GRAMD1C: variants seen among roughly 807,000 people sequenced by gnomAD.
GRAMD1C encodes the protein protein Aster-C.
A neutral mutation model predicts 97.8 loss-of-function variants in GRAMD1C; 89 were observed. The ratio of observed to expected loss-of-function variants is 0.91; its 90% CI spans 0.77 to 1.09. The LOEUF is 1.09. Ranked by LOEUF, GRAMD1C falls within the 50% of genes least tolerant of loss-of-function variation. GRAMD1C has a pLI of 0.00. For synonymous variants in GRAMD1C, 256 were observed against 267.0 expected (o/e 0.96, Z 0.40); for missense variants, 740 against 766.4 (o/e 0.97, Z 0.41).
rs529678359 is a variant in GRAMD1C at position 113,858,823 on chromosome 3, T to A, written c.175-10684T>A. Among the ~76,000 whole-genome samples the A allele has an allele frequency of 3.9e-5, 6 of 152,164 alleles. No individual in the cohort carries two copies. The South Asian group carries it at 1.2e-3, about 31-fold the overall frequency. On this transcript the variant is annotated intron_variant, in intron 2 of 17. Transcript: ENST00000358160. ...ACCCGCCCTCCTCGGCTTCCCAAAGTGCTAAGATTACAGGTGTGAGCCACT... is the reference window on the plus strand; with the variant it reads ...ACCCGCCCTCCTCGGCTTCCCAAAGAGCTAAGATTACAGGTGTGAGCCACT...
At chr3:113,843,081 T>C (rs1340028869) in intron 1 of GRAMD1C, among the ~76,000 whole-genome samples, 1 of 147,412 alleles carries the variant, frequency 6.8e-6, no homozygotes, top group Middle Eastern at 3.2e-3. Flanking sequence ...TTTTTGTTCT[T>C]GTTGTTTGTT....
intron 6 of GRAMD1C, chr3:113,897,818 G>A (rs1436070356): frequency 5.3e-6 from 5 of 935,366 alleles, no homozygotes; most frequent in Non-Finnish European, 6.4e-6. Context: ...TTGCAGGTGG[G>A]TGGTCAGCTT....
At chr3:113,856,233 T>C (rs904046706) in intron 2 of GRAMD1C, among the ~76,000 whole-genome samples, 2 of 152,180 alleles carry the variant, frequency 1.3e-5, no homozygotes, top group African/African-American at 4.8e-5. Flanking sequence ...CCTCCTCTTT[T>C]ACTTTTTTTC....
At chr3:113,917,637 A>G (rs1423065684) in intron 10 of GRAMD1C, among the ~76,000 whole-genome samples, 1 of 151,778 alleles carries the variant, frequency 6.6e-6, no homozygotes, top group Non-Finnish European at 1.5e-5. Context: ...TTAGTTTATA[A>G]TCTAAGTATT....
At chr3:113,832,895 T>C (rs1213357364) in intron 1 of GRAMD1C, among the ~76,000 whole-genome samples, 1 of 152,086 alleles carries the variant, frequency 6.6e-6, no homozygotes, top group African/African-American at 2.4e-5. Context: ...GAGCAAAAAG[T>C]CAGCCAGAGG....
At chr3:113,903,230 C>G (rs1936241899) in intron 7 of GRAMD1C, among the ~76,000 whole-genome samples, 1 of 151,958 alleles carries the variant, frequency 6.6e-6, no homozygotes, top group South Asian at 2.1e-4. Flanking sequence ...ACCTCAGCCT[C>G]CCAAAGTGTT....
rs115094024 is a variant in GRAMD1C at position 113,926,792 on chromosome 3, G to A, written c.1091-3922G>A. ...GCCCAGGCTCAGCTCAGAACTCCTGGACTGTGTGCTCTAACTGTGGGGGGC... is the reference window on the plus strand; with the variant it reads ...GCCCAGGCTCAGCTCAGAACTCCTGAACTGTGTGCTCTAACTGTGGGGGGC... On this transcript the variant is annotated intron_variant, in intron 10 of 17. Transcript: ENST00000358160. 6.0e-3 allele frequency among the ~76,000 whole-genome samples: 911 copies of A among 152,304 alleles called. 3 individuals carry two copies. Among genetic ancestry groups the A allele is most frequent in the Admixed American group, 0.012 (191 of 15,304 alleles).
intron 10 of GRAMD1C, among the ~76,000 whole-genome samples, chr3:113,924,952 C>T (rs926386747): frequency 2.6e-5 from 4 of 152,148 alleles, no homozygotes; most frequent in Non-Finnish European, 4.4e-5. Flanking sequence ...CTGGATGCTC[C>T]TGTGTTGATT....
At chr3:113,904,484 C>T (rs114654036) in intron 8 of GRAMD1C, among the ~76,000 whole-genome samples, 2,844 of 152,096 alleles carry the variant, frequency 0.019, 106 homozygotes, top group African/African-American at 0.065. Flanking sequence ...GCAGAGCTAC[C>T]GAGCAGTTTT....
At position 113,905,406 on chromosome 3, in the gene GRAMD1C, G is replaced by A. The variant is rs1411166587; in HGVS notation, c.789+1134G>A. Reference sequence around the variant, plus strand: ...AGACCATATTCTGAGTACTAGGAGTGCTCCTACTGCAGAGCCTTTGTTCTG... The same window carrying A: ...AGACCATATTCTGAGTACTAGGAGTACTCCTACTGCAGAGCCTTTGTTCTG... On this transcript the variant is annotated intron_variant, in intron 8 of 17. Transcript: ENST00000358160. Among the ~76,000 whole-genome samples, 21 of 152,144 alleles carry A rather than the reference G, an allele frequency of 1.4e-4. 1 individual carries two copies. Among genetic ancestry groups the A allele is most frequent in the Admixed American group, 1.4e-3 (21 of 15,268 alleles).
At chr3:113,899,308 T>C (rs1321756858) in intron 6 of GRAMD1C, among the ~76,000 whole-genome samples, 2 of 152,190 alleles carry the variant, frequency 1.3e-5, no homozygotes, top group African/African-American at 4.8e-5. Context: ...AAAACACTTC[T>C]CCAATGTGAA....
chr3:113,864,902 G>A (rs13088638), intron 2 of GRAMD1C, among the ~76,000 whole-genome samples: 76,393 of 151,960 alleles, frequency 0.5, 19,788 homozygotes, highest in Middle Eastern at 0.67. Flanking sequence ...ACATTTTCAG[G>A]TATTGTAATA....
intron 6 of GRAMD1C, among the ~76,000 whole-genome samples, chr3:113,887,031 TG>T (rs1935516677): frequency 6.6e-6 from 1 of 150,930 alleles, no homozygotes; most frequent in Non-Finnish European, 1.5e-5. Context: ...CCGCCTGCCT[TG>T]GCCTCCCAAA....
intron 6 of GRAMD1C, chr3:113,885,156 CGCCCGCTCCGT>C: frequency 3.3e-6 from 2 of 604,328 alleles, no homozygotes; most frequent in Non-Finnish European, 5.8e-6. Flanking sequence ...CTTTCTGAGC[CGCCCGCTCCGT>C]GCCCCTCTCT....
intron 1 of GRAMD1C, among the ~76,000 whole-genome samples, chr3:113,839,227 T>G (rs561495248): frequency 9.2e-5 from 14 of 152,112 alleles, no homozygotes; most frequent in African/African-American, 3.4e-4. Flanking sequence ...CCCCCTTGGG[T>G]CAGGCCCCAT....
chr3:113,835,544 C>T (rs140787538), upstream of GRAMD1C, among the ~76,000 whole-genome samples: 29 of 152,166 alleles, frequency 1.9e-4, no homozygotes, highest in African/African-American at 6.3e-4. Flanking sequence ...AGTGATTTTG[C>T]GAGGAGGATT....
At chr3:113,916,836 A>G in intron 10 of GRAMD1C, among the ~76,000 whole-genome samples, 1 of 152,188 alleles carries the variant, frequency 6.6e-6, no homozygotes, top group East Asian at 1.9e-4. Flanking sequence ...GAAGAATTTC[A>G]TTGATTATGT....
rs377757169 is a variant in GRAMD1C at position 113,938,091 on chromosome 3, A to G, written c.1639A>G (p.Lys547Glu). The G allele has an allele frequency of 2.0e-5, 30 of 1,516,338 alleles. No homozygotes were observed. In the African/African-American group the frequency reaches 3.2e-4, roughly 16 times the overall value. 93.9% of individuals were successfully genotyped at this position (1,516,338 alleles called of 1,614,324 possible). A position where few individuals can be genotyped will look rare whatever the true frequency, so the allele number is the denominator to read the frequency against. ...LGAKGDITGK[K>E]KEMENYNVTL... ...CTTTTTCTTGTGATCTACAGGAAAGAAAAAGGAAATGGAAAACTATAACGT... is the reference window on the plus strand; with the variant it reads ...CTTTTTCTTGTGATCTACAGGAAAGGAAAAGGAAATGGAAAACTATAACGT... The change falls in exon 15 of 18, where the codon AAA becomes GAA. Residue 547 changes from lysine (K) to glutamate (E), a missense_variant. Transcript: ENST00000358160.
intron 6 of GRAMD1C, among the ~76,000 whole-genome samples, chr3:113,887,007 C>T (rs930487495): frequency 2.0e-5 from 3 of 150,182 alleles, no homozygotes; most frequent in Non-Finnish European, 4.4e-5. Flanking sequence ...GTCTCAATCT[C>T]CTGAACTCGT....
Sources: gnomAD v4.1 joint callset for allele counts (sites outside exome capture counted in the v4.1 genomes callset) on GRCh38, gnomAD v4.1.1 for gene constraint, MANE v1.5 for transcripts, NCBI Gene and HGNC (gene_info 2026-07-23, HGNC 2026-07-21) for gene names.